The following TLE6 variants were observed in gnomAD, a reference collection of about 807,000 sequenced individuals.
TLE6 encodes transducin-like enhancer protein 6.
A neutral mutation model predicts 77.1 loss-of-function variants in TLE6; 72 were observed. The observed-to-expected ratio is 0.93, with a 90% CI of 0.77 to 1.14. The LOEUF (loss-of-function observed/expected upper bound fraction) is 1.14. Ranked by LOEUF, TLE6 falls within the 50% of genes most tolerant of loss-of-function variation. TLE6 has a pLI of 0.00. For missense variants in TLE6, 843 were observed against 747.6 expected, an observed-to-expected ratio of 1.13 and a Z score of -1.49; for synonymous variants, 366 against 287.3, an observed-to-expected ratio of 1.27 and a Z score of -2.77.
At chr19:2,992,722 A>G (rs2089098469) in intron 14 of TLE6, among the ~76,000 whole-genome samples, 1 of 142,360 alleles carries the variant, frequency 7.0e-6, no homozygotes, top group South Asian at 2.3e-4. Context: ...GCCACAGTGA[A>G]CTGTGATCAT....
At position 2,987,897 on chromosome 19, in the gene TLE6, GC is replaced by G. The variant is rs1211390398; in HGVS notation, c.630del (p.Arg211GlyfsTer104). The G allele has an allele frequency of 6.2e-7, 1 of 1,609,682 alleles. No individual in the cohort carries two copies. The highest frequency in any genetic ancestry group is 1.3e-5 in the African/African-American group (1 of 74,944). On this transcript the variant is annotated frameshift_variant and splice_region_variant, in exon 10 of 17. Transcript: ENST00000246112. LOFTEE classifies it high-confidence loss of function. ...CTTAGCCCCTCTTGTCTCCCCACTA[GC>G]CCCCAGGCCACCTGAGGCCTCCTCC... ...GTDPCPEDAS[T>X]PRPPEASSSP...
Position 2,987,229 on chromosome 19 carries a change from A to G in TLE6, c.532A>G (p.Arg178Gly). Residue 178 changes from arginine to glycine, a missense_variant, in exon 7 of 17, where the codon AGA (arginine) becomes GGA (glycine). Physicochemically the swap from Arg to Gly is moderately radical, Grantham distance 125 (BLOSUM62 -2). Coordinates refer to ENST00000246112, the MANE Select transcript of TLE6 (RefSeq NM_001143986.2). ...AGVHDEKAKP[R>G]DRQQAPGLGQ... ...CGTCCACGATGAGAAGGCAAAGCCC[A>G]GAGACAGACGTGAGTGTCCCTGAGG... The G allele has an allele frequency of 6.2e-7, 1 of 1,614,186 alleles. No individual in the cohort carries two copies. The highest frequency in any genetic ancestry group is 1.3e-5 in the African/African-American group (1 of 75,062).
In TLE6 at chr19:2,989,322, G is replaced by A. The variant is rs764286751; in HGVS notation, c.993+9G>A. On this transcript the variant is annotated intron_variant, in intron 12 of 16. Transcript: ENST00000246112. ...GCCACCTGCCTATACAGGTGAGGAC[G>A]GCCTTGGTTTCCAGGGATGCAGGGC... 1.4e-5 allele frequency: 22 copies of A among 1,610,816 alleles called. No individual in the cohort carries two copies. The Admixed American group carries it at 1.8e-4, about 13-fold the overall frequency.
At position 2,988,100 on chromosome 19, in the gene TLE6, G is replaced by A. The variant is rs1310974336; in HGVS notation, c.712G>A (p.Gly238Arg). 1 of 1,552,126 alleles carries A rather than the reference G, an allele frequency of 6.4e-7. No individual in the cohort carries two copies. Among genetic ancestry groups the A allele is most frequent in the Non-Finnish European group, 8.7e-7 (1 of 1,147,270 alleles). ...TCTCCCCCGCCTGCAGGAGCCTCCT[G>A]GAAGAGCCTCTCGGTTTCTACAGTC... The part of the protein sequence containing the change: ...TSWGVVQEPP[G>R]RASRFLQSIS... The change falls in exon 11 of 17, where the codon GGA becomes AGA. Residue 238 changes from glycine to arginine, a missense_variant. Physicochemically the swap from Gly to Arg is moderately radical, Grantham distance 125. Transcript: ENST00000246112.
chr19:2,989,917 C>T, intron 13 of TLE6, 132 bp downstream of exon 13: 1 of 1,273,156 alleles, frequency 7.9e-7, no homozygotes, highest in Non-Finnish European at 1.1e-6. Context: ...CTCTCCCAGC[C>T]AAAACCCCTT....
At chr19:2,987,434 C>T (rs1177118571) in intron 8 of TLE6, 62 bp downstream of exon 8, 1 of 1,608,518 alleles carries the variant, frequency 6.2e-7, no homozygotes, top group Non-Finnish European at 8.5e-7. Flanking sequence ...GTTGGGCTCC[C>T]CCAGGTCAGG....
At chr19:2,977,862 T>C (rs2088709465) in intron 1 of TLE6, among the ~76,000 whole-genome samples, 1 of 152,142 alleles carries the variant, frequency 6.6e-6, no homozygotes, top group Non-Finnish European at 1.5e-5. Flanking sequence ...GGAAATTGTC[T>C]CAAAACTAAG....
intron 5 of TLE6, among the ~76,000 whole-genome samples, chr19:2,982,535 CAA>C (rs1200316710): frequency 3.6e-4 from 15 of 41,840 alleles, no homozygotes; most frequent in East Asian, 7.4e-4. Context: ...GACTCTGTCT[CAA>C]AAAAAAAAAA....
At position 2,981,599 on chromosome 19, in the gene TLE6, G is replaced by T. The variant is rs1212347510; in HGVS notation, c.180+16G>T. 6.4e-7 allele frequency: 1 copy of T among 1,551,442 alleles called. No individual in the cohort carries two copies. ...TTACTACTCGGTGAGCCAGACCCAG[G>T]CAGCCCCAACCAAGGAGGGCCCCAC... On this transcript the variant is annotated intron_variant, in intron 4 of 16. Transcript: ENST00000246112.
chr19:2,981,431 G>A (rs1365485803), intron 3 of TLE6, 107 bp from the exon 4 acceptor site: 2 of 1,253,524 alleles, frequency 1.6e-6, no homozygotes, highest in East Asian at 2.6e-5. Flanking sequence ...TGGAGCCAGT[G>A]CCTTCCAGCT....
At chr19:2,991,049 T>C (rs532325618) in intron 13 of TLE6, among the ~76,000 whole-genome samples, 4,408 of 137,200 alleles carry the variant, frequency 0.032, 94 homozygotes, top group Non-Finnish European at 0.047. Context: ...TACATATATG[T>C]ATACACACAC....
At position 2,989,152 on chromosome 19, in the gene TLE6, G is replaced by C. The variant is rs1417181622; in HGVS notation, c.832G>C (p.Glu278Gln). The C allele has an allele frequency of 6.2e-7, 1 of 1,614,044 alleles. No homozygotes were observed. The highest frequency in any genetic ancestry group is 1.3e-5 in the African/African-American group (1 of 74,950). ...GAGACTCGCCGTCCCGTGCAAACTGGAAAAGATGCGGATCTTGGCACACGG... is the reference window on the plus strand; with the variant it reads ...GAGACTCGCCGTCCCGTGCAAACTGCAAAAGATGCGGATCTTGGCACACGG... ...SKRLAVPCKL[E>Q]KMRILAHGEL... The change falls in exon 12 of 17, where the codon GAA becomes CAA. Residue 278 changes from glutamate to glutamine, a missense_variant. Physicochemically the swap from Glu to Gln is conservative, Grantham distance 29 (BLOSUM62 2). Transcript: ENST00000246112.
intron 13 of TLE6, among the ~76,000 whole-genome samples, chr19:2,990,512 G>A (rs112859895): frequency 1.3e-5 from 2 of 150,714 alleles, no homozygotes; most frequent in African/African-American, 4.8e-5. Flanking sequence ...GCTGAGGCAG[G>A]AGAATCCCTT....
At chr19:2,993,621 C>T in intron 15 of TLE6, 39 bp downstream of exon 15, 8 of 1,520,244 alleles carry the variant, frequency 5.3e-6, no homozygotes, top group Non-Finnish European at 6.2e-6. Context: ...TCCCCTGCAG[C>T]CCCCAGCCTC....
rs1047372820 is a variant in TLE6, at chr19:2,989,613, A to T, written c.1072A>T (p.Ser358Cys). 3 of 1,614,080 alleles carry T rather than the reference A, an allele frequency of 1.9e-6. No individual in the cohort carries two copies. Among genetic ancestry groups the T allele is most frequent in the Non-Finnish European group, 2.5e-6 (3 of 1,179,992 alleles). Residue 358 changes from serine to cysteine, a missense_variant, in exon 13 of 17, where the codon AGC becomes TGC. Physicochemically the swap from Ser to Cys is moderately radical, Grantham distance 112. Transcript: ENST00000246112. ...GCTCACCGGTGGCTACAACCTGGCC[A>T]GCGTGAGCGTGTGGGACCTGGCGGC... Reference protein sequence around the residue: ...SLLTGGYNLASVSVWDLAAPS... With the variant: ...SLLTGGYNLACVSVWDLAAPS...
intron 5 of TLE6, among the ~76,000 whole-genome samples, chr19:2,984,967 C>G (rs764517881): frequency 6.6e-6 from 1 of 151,938 alleles, no homozygotes; most frequent in Non-Finnish European, 1.5e-5. Context: ...AATAAAACAC[C>G]AGACTGGGTG....
At chr19:2,992,379 G>A (rs1378575937) in intron 14 of TLE6, among the ~76,000 whole-genome samples, 1 of 152,062 alleles carries the variant, frequency 6.6e-6, no homozygotes, top group Admixed American at 6.6e-5. Flanking sequence ...GGCTGAGGCA[G>A]GAGAATCGCT....
chr19:2,994,190 A>C, intron 16 of TLE6, 95 bp downstream of exon 16: 1 of 1,067,638 alleles, frequency 9.4e-7, no homozygotes, highest in South Asian at 1.5e-5. Context: ...AAAACTTAAA[A>C]AGTAGCCAGG....
chr19:2,977,525 G>T (rs2088700125), upstream of TLE6: 1 of 152,566 alleles, frequency 6.6e-6, no homozygotes, highest in Non-Finnish European at 1.5e-5. Flanking sequence ...GACGAGGCGG[G>T]GCCCGATGGG....
Sources: gnomAD v4.1 joint callset for allele counts (sites outside exome capture counted in the v4.1 genomes callset) on GRCh38, gnomAD v4.1.1 for gene constraint, MANE v1.5 for transcripts, NCBI Gene and HGNC (gene_info 2026-07-23, HGNC 2026-07-21) for gene names.